CEP152: variants seen among roughly 807,000 people sequenced by gnomAD.
CEP152 encodes centrosomal protein 152.
A neutral mutation model predicts 188.9 loss-of-function variants in CEP152; 132 were observed. That is an observed-to-expected ratio of 0.70 (90% CI 0.61 to 0.81). CEP152 has a LOEUF of 0.81. Among genes scored for constraint, CEP152 ranks in the 30% least tolerant of loss-of-function variants. The pLI, the probability that CEP152 is intolerant of heterozygous loss-of-function variation, is 0.00. For missense variants in CEP152, 1,914 were observed against 1,969.8 expected (o/e 0.97, Z 0.54); for synonymous variants, 649 against 666.6 (o/e 0.97, Z 0.41).
At chr15:48,764,914 T>C (rs1894947998) in intron 17 of CEP152, among the ~76,000 whole-genome samples, 1 of 151,994 alleles carries the variant, frequency 6.6e-6, no homozygotes, top group Admixed American at 6.6e-5. Flanking sequence ...ATGTCCTGCA[T>C]GGAAGAGCTA....
chr15:48,796,063 G>A lies in CEP152; in HGVS notation c.638C>T (p.Thr213Ile), dbSNP rs749959761. The A allele has an allele frequency of 6.8e-6, 11 of 1,613,674 alleles. No homozygotes were observed. The Admixed American group carries it at 1.7e-4, about 24-fold the overall frequency. The part of the protein sequence containing the change: ...QNNGSPAQEI[T>I]GSDTFEGLQQ... ...CAGGCCTTCGAATGTGTCACTTCCT[G>A]TTATCTCCTGGGCTGGTGAGCCATT... The change falls in exon 6 of 27, where the codon ACA becomes ATA. Residue 213 changes from threonine to isoleucine, a missense_variant. Coordinates refer to ENST00000380950, the MANE Select transcript of CEP152 (RefSeq NM_001194998.2).
At chr15:48,737,522 A>G (rs1892664943), downstream of CEP152, among the ~76,000 whole-genome samples, 2 of 152,212 alleles carry the variant, frequency 1.3e-5, no homozygotes, top group African/African-American at 2.4e-5. Context: ...TTTTTGCTAC[A>G]TGACAAAACT....
intron 9 of CEP152, among the ~76,000 whole-genome samples, chr15:48,787,260 T>C (rs1031323991): frequency 7.0e-6 from 1 of 143,262 alleles, no homozygotes; most frequent in Admixed American, 7.3e-5. Flanking sequence ...CTCGACCTCC[T>C]GAGCTCAAGC....
At chr15:48,792,736 C>A (rs1897060620) in intron 7 of CEP152, among the ~76,000 whole-genome samples, 1 of 151,788 alleles carries the variant, frequency 6.6e-6, no homozygotes, top group Non-Finnish European at 1.5e-5. Flanking sequence ...GGACAGAATG[C>A]CATCAGTACA....
chr15:48,761,595 T>C (rs1341436614), intron 18 of CEP152, among the ~76,000 whole-genome samples: 1 of 152,178 alleles, frequency 6.6e-6, no homozygotes. Context: ...ATCATGTCAT[T>C]GTTCTGACAG....
Position 48,760,135 on chromosome 15 carries a change from C to T in CEP152, c.2694G>A (p.Arg898=). The change falls in exon 19 of 27, where the codon AGG becomes AGA. Residue 898 remains arginine (R), a splice_region_variant and synonymous_variant. Transcript: ENST00000380950. ...AGTGTCTTTGCAGAAGAGCTCTTAC[C>T]CTTTTGTTCACAGAGACCTCATGCT... The part of the protein sequence containing the change: ...EEQHEVSVNK[R]ISFAVSEAKE... 6.2e-7 allele frequency: 1 copy of T among 1,613,906 alleles called. No individual in the cohort carries two copies. The highest frequency in any genetic ancestry group is 8.5e-7 in the Non-Finnish European group (1 of 1,179,878).
intron 21 of CEP152, 42 bp from the exon 22 acceptor site, chr15:48,748,652 A>C: frequency 7.6e-7 from 1 of 1,317,594 alleles, no homozygotes; most frequent in Middle Eastern, 2.0e-4. Context: ...ATCAGTTTAG[A>C]CCAAGAACTA....
intron 18 of CEP152, among the ~76,000 whole-genome samples, chr15:48,762,036 C>A (rs2140712403): frequency 6.6e-6 from 1 of 152,266 alleles, no homozygotes; most frequent in East Asian, 1.9e-4. Context: ...TATCTATAAC[C>A]ACCTTAGTGG....
chr15:48,733,080 T>A (rs554595636), downstream of CEP152, among the ~76,000 whole-genome samples: 5 of 152,274 alleles, frequency 3.3e-5, no homozygotes, highest in African/African-American at 1.2e-4. Flanking sequence ...TGATATACTG[T>A]CTTAAAATAT....
Position 48,744,327 on chromosome 15 carries a change from C to T in CEP152, c.3748G>A (p.Ala1250Thr). The change falls in exon 24 of 27, where the codon GCC (alanine) becomes ACC (threonine). Residue 1250 changes from alanine to threonine, a missense_variant. Physicochemically the swap from Ala to Thr is moderately conservative, Grantham distance 58. Transcript: ENST00000380950. Reference sequence around the variant, plus strand: ...CATGGCAGGCAAGCATTTTCAATGGCCCCTGCTGACAATGACCTAAAAAAC... The same window carrying T: ...CATGGCAGGCAAGCATTTTCAATGGTCCCTGCTGACAATGACCTAAAAAAC... Reference protein sequence around the residue: ...KTPPRSLSAGAIENACLPCSG... With the variant: ...KTPPRSLSAGTIENACLPCSG... The T allele has an allele frequency of 6.2e-7, 1 of 1,613,976 alleles. No individual in the cohort carries two copies. The highest frequency in any genetic ancestry group is 1.7e-5 in the Admixed American group (1 of 60,024).
intron 17 of CEP152, among the ~76,000 whole-genome samples, chr15:48,766,823 G>GA (rs917178510): frequency 4.2e-4 from 60 of 142,988 alleles, no homozygotes; most frequent in South Asian, 2.0e-3. Flanking sequence ...AAATCTGCAA[G>GA]AAAAAAAAAA....
At chr15:48,772,445 G>T in intron 13 of CEP152, 42 bp downstream of exon 13, 1 of 1,528,788 alleles carries the variant, frequency 6.5e-7, no homozygotes, top group African/African-American at 1.4e-5. Flanking sequence ...TCTTTATTGA[G>T]CCTTTTAAAA....
chr15:48,793,289 T>C (rs770708807), intron 7 of CEP152, 32 bp downstream of exon 7: 32 of 1,612,034 alleles, frequency 2.0e-5, no homozygotes, highest in Admixed American at 3.3e-5. Flanking sequence ...TAACTCAGTG[T>C]ACCTCATAAA....
chr15:48,735,315 C>T (rs1288910621), downstream of CEP152, among the ~76,000 whole-genome samples: 2 of 152,076 alleles, frequency 1.3e-5, no homozygotes, highest in Non-Finnish European at 2.9e-5. Flanking sequence ...TAAATGAAAA[C>T]AACAATACAA....
At chr15:48,781,619 G>A (rs1896246517) in intron 11 of CEP152, among the ~76,000 whole-genome samples, 1 of 152,180 alleles carries the variant, frequency 6.6e-6, no homozygotes, top group African/African-American at 2.4e-5. Flanking sequence ...TCCATGGAAA[G>A]TGGTGTGTTC....
intron 19 of CEP152, among the ~76,000 whole-genome samples, chr15:48,759,579 T>C (rs955840278): frequency 1.3e-5 from 2 of 152,202 alleles, no homozygotes; most frequent in Non-Finnish European, 2.9e-5. Flanking sequence ...TTAAAAAACA[T>C]CTAGTCCTTT....
At chr15:48,763,654 C>T (rs1894857983) in intron 17 of CEP152, among the ~76,000 whole-genome samples, 1 of 151,976 alleles carries the variant, frequency 6.6e-6, no homozygotes, top group South Asian at 2.1e-4. Flanking sequence ...AGCCTGGAGA[C>T]AGAGCGAGGC....
At chr15:48,808,461 T>C in intron 1 of CEP152, among the ~76,000 whole-genome samples, 1 of 152,024 alleles carries the variant, frequency 6.6e-6, no homozygotes, top group East Asian at 1.9e-4. Flanking sequence ...AAAGTCCCAA[T>C]ATAAAATTAT....
chr15:48,795,872 G>C, intron 6 of CEP152, 138 bp downstream of exon 6: 3 of 751,728 alleles, frequency 4.0e-6, no homozygotes, highest in East Asian at 2.7e-5. Context: ...TAAAAATAAG[G>C]GCTCTTTGAA....
Sources: gnomAD v4.1 joint callset for allele counts (sites outside exome capture counted in the v4.1 genomes callset) on GRCh38, gnomAD v4.1.1 for gene constraint, MANE v1.5 for transcripts, NCBI Gene and HGNC (gene_info 2026-07-23, HGNC 2026-07-21) for gene names.